GTF2E2: variants seen among roughly 807,000 people sequenced by gnomAD.
GTF2E2 encodes general transcription factor IIE subunit 2.
A neutral mutation model predicts 40.5 loss-of-function variants in GTF2E2; 21 were observed. That is an observed-to-expected ratio of 0.52 (90% CI 0.37 to 0.75). GTF2E2 has a LOEUF of 0.75. GTF2E2 is among the 30% of genes least tolerant of loss of function. GTF2E2 has a pLI of 0.00. For synonymous variants in GTF2E2, 117 were observed against 121.6 expected, an observed-to-expected ratio of 0.96 and a Z score of 0.25; for missense variants, 298 against 338.4, an observed-to-expected ratio of 0.88 and a Z score of 0.94.
rs577036908 is a variant in GTF2E2, at chr8:30,653,796, A to C, written c.-4-194T>G. Among the ~76,000 whole-genome samples the C allele has an allele frequency of 2.0e-5, 3 of 152,302 alleles. No homozygotes were observed. In the South Asian group the frequency reaches 6.2e-4, roughly 32 times the overall value. On this transcript the variant is annotated intron_variant, in intron 1 of 7. Transcript: ENST00000355904. ...GCGCTTATTACACGCCAAGCACTGT[A>C]CTAGCCATTATAGGAAAAAAAGAGG... is the stretch of plus-strand genomic sequence containing the variant.
chr8:30,592,889 T>C (rs1051733477), intron 6 of GTF2E2, among the ~76,000 whole-genome samples: 3 of 152,194 alleles, frequency 2.0e-5, no homozygotes, highest in Admixed American at 6.5e-5. Context: ...TTGGTGAATA[T>C]TCCAGATGAA....
At chr8:30,612,510 T>A in intron 4 of GTF2E2, 29 bp from the exon 5 acceptor site, 1 of 1,326,874 alleles carries the variant, frequency 7.5e-7, no homozygotes. Flanking sequence ...TGGAATATAT[T>A]AACAAATGGA....
At chr8:30,624,997 A>C (rs1207757956) in intron 3 of GTF2E2, among the ~76,000 whole-genome samples, 5 of 151,570 alleles carry the variant, frequency 3.3e-5, no homozygotes, top group East Asian at 1.9e-4. Flanking sequence ...AATACCCTTT[A>C]TTTCTTTCTC....
At chr8:30,616,671 T>C (rs1351079849) in intron 3 of GTF2E2, among the ~76,000 whole-genome samples, 1 of 152,062 alleles carries the variant, frequency 6.6e-6, no homozygotes, top group Non-Finnish European at 1.5e-5. Context: ...TTTGTCAACG[T>C]AGGTTCATTG....
intron 2 of GTF2E2, among the ~76,000 whole-genome samples, chr8:30,649,697 T>C (rs1194228085): frequency 6.6e-6 from 1 of 151,910 alleles, no homozygotes; most frequent in Non-Finnish European, 1.5e-5. Flanking sequence ...ATACAAAAAT[T>C]AGCTGAGCGT....
At chr8:30,643,186 G>C (rs898516885) in intron 2 of GTF2E2, among the ~76,000 whole-genome samples, 1 of 152,154 alleles carries the variant, frequency 6.6e-6, no homozygotes, top group African/African-American at 2.4e-5. Flanking sequence ...CTTTGAGTTT[G>C]GGGTGTGAAA....
intron 6 of GTF2E2, among the ~76,000 whole-genome samples, chr8:30,583,343 A>G (rs1374604958): frequency 2.0e-5 from 3 of 152,058 alleles, no homozygotes; most frequent in Non-Finnish European, 4.4e-5. Flanking sequence ...CAAAAAACAA[A>G]ACATAACAAA....
intron 2 of GTF2E2, among the ~76,000 whole-genome samples, chr8:30,636,219 T>C (rs944124844): frequency 6.6e-5 from 10 of 152,158 alleles, no homozygotes; most frequent in African/African-American, 2.4e-4. Context: ...TCATAAATAC[T>C]AGAAAAACAT....
intron 6 of GTF2E2, among the ~76,000 whole-genome samples, chr8:30,606,480 GAAT>G (rs1392882838): frequency 6.6e-6 from 1 of 152,106 alleles, no homozygotes; most frequent in Non-Finnish European, 1.5e-5. Context: ...TGGTAAACTT[GAAT>G]AATACATTTT....
At chr8:30,591,019 G>A (rs1828833119) in intron 6 of GTF2E2, among the ~76,000 whole-genome samples, 2 of 152,068 alleles carry the variant, frequency 1.3e-5, no homozygotes, top group Admixed American at 1.3e-4. Context: ...TACCTCATAA[G>A]ACACCATCAA....
intron 3 of GTF2E2, among the ~76,000 whole-genome samples, chr8:30,626,738 A>G (rs1438771560): frequency 3.9e-5 from 6 of 152,188 alleles, no homozygotes; most frequent in African/African-American, 1.4e-4. Context: ...CCAGTGCAGC[A>G]AGAGAGAGAG....
At chr8:30,604,032 C>T (rs887896371) in intron 6 of GTF2E2, among the ~76,000 whole-genome samples, 57 of 152,142 alleles carry the variant, frequency 3.7e-4, no homozygotes, top group African/African-American at 1.3e-3. Context: ...AAGAATGTTG[C>T]CAAGAAAGCA....
chr8:30,603,150 A>C (rs909515786), intron 6 of GTF2E2, among the ~76,000 whole-genome samples: 78 of 152,340 alleles, frequency 5.1e-4, no homozygotes, highest in African/African-American at 1.8e-3. Flanking sequence ...TAGGGCACTT[A>C]GGAGGAGACC....
In GTF2E2 at chr8:30,645,811, T is replaced by G. The variant is rs1802054645; in HGVS notation, c.166+7622A>C. The G allele has an allele frequency of 1.1e-5, 6 of 526,688 alleles. No homozygotes were observed. In the South Asian group the frequency reaches 1.4e-4, roughly 13 times the overall value. The allele number at this position is 526,688 out of a possible 1,614,324, so 32.6% of individuals were successfully genotyped here. ...TAAAACTTCATGAATGTGAATTTAC[T>G]AATCTGTTTAATACTGACACTTCAA... On this transcript the variant is annotated intron_variant, in intron 2 of 7. Coordinates refer to ENST00000355904, the MANE Select transcript of GTF2E2 (RefSeq NM_002095.6).
intron 3 of GTF2E2, among the ~76,000 whole-genome samples, chr8:30,632,192 C>T (rs1357151425): frequency 6.6e-6 from 1 of 152,174 alleles, no homozygotes; most frequent in Non-Finnish European, 1.5e-5. Context: ...AATTTTTAAT[C>T]TAACATGACA....
chr8:30,589,872 G>T (rs2151111294), intron 6 of GTF2E2, among the ~76,000 whole-genome samples: 1 of 152,332 alleles, frequency 6.6e-6, no homozygotes, highest in South Asian at 2.1e-4. Context: ...AAGCCGTGGG[G>T]TAACTCTTTA....
At chr8:30,617,519 G>A (rs1800956470) in intron 3 of GTF2E2, among the ~76,000 whole-genome samples, 5 of 152,080 alleles carry the variant, frequency 3.3e-5, no homozygotes, top group Admixed American at 3.3e-4. Context: ...AAGTGGGCAG[G>A]TTGCTTGAAC....
Position 30,606,111 on chromosome 8 carries a change from T to C in GTF2E2, c.643+946A>G, listed in dbSNP as rs1245490001. On this transcript the variant is annotated intron_variant, in intron 6 of 7. Transcript: ENST00000355904. ...ACTACAATGGATAGCATAAGTTCAC[T>C]ACATACTTGCTTTGTTATATAAAAG... 3.3e-5 allele frequency among the ~76,000 whole-genome samples: 5 copies of C among 152,266 alleles called. No homozygotes were observed. In the East Asian group the frequency reaches 9.6e-4, roughly 29 times the overall value.
At chr8:30,627,750 C>T (rs1419568450) in intron 3 of GTF2E2, among the ~76,000 whole-genome samples, 1 of 152,192 alleles carries the variant, frequency 6.6e-6, no homozygotes, top group Non-Finnish European at 1.5e-5. Flanking sequence ...TCTCTTGCTA[C>T]ATACAGAAAT....
Sources: allele counts gnomAD v4.1 joint callset (sites outside exome capture counted in the v4.1 genomes callset), GRCh38; gene constraint gnomAD v4.1.1; transcripts MANE v1.5; gene names NCBI Gene and HGNC (gene_info 2026-07-23, HGNC 2026-07-21).